Variants in APCDD1L observed in about 807,000 individuals in gnomAD.
APCDD1L encodes protein APCDD1-like.
Under a neutral mutation model 24.2 loss-of-function variants are expected in APCDD1L, and 21 were observed. The ratio of observed to expected loss-of-function variants is 0.87; its 90% CI spans 0.61 to 1.25. APCDD1L has a LOEUF of 1.25. APCDD1L is among the 50% of genes most tolerant of loss of function. APCDD1L has a pLI of 0.00. For synonymous variants in APCDD1L, 321 were observed against 323.6 expected (o/e 0.99, Z 0.09); for missense variants, 704 against 711.7 (o/e 0.99, Z 0.12).
chr20:58,468,728 C>T (rs372753461), intron 2 of APCDD1L, among the ~76,000 whole-genome samples: 105 of 152,154 alleles, frequency 6.9e-4, no homozygotes, highest in African/African-American at 2.3e-3. Flanking sequence ...CCACCATGCC[C>T]GGCCAATTTT....
At position 58,467,765 on chromosome 20, in the gene APCDD1L, C is replaced by T; in HGVS notation, c.189-107G>A. ...TCTCCCCCCCAGCCCTCCTCTTAGT[C>T]CTCAGCTCAGGCCTGGGCCCCTCCA... On this transcript the variant is annotated intron_variant, in intron 2 of 3. Coordinates refer to ENST00000371149, the MANE Select transcript of APCDD1L (RefSeq NM_153360.3). This position sits in a 1 kb window ranked among gnomAD's most constrained non-coding sequence, Gnocchi z 5.9. The T allele has an allele frequency of 1.7e-6, 2 of 1,190,548 alleles. No homozygotes were observed. Among genetic ancestry groups the T allele is most frequent in the Non-Finnish European group, 2.2e-6 (2 of 906,316 alleles). The allele number at this position is 1,190,548 out of a possible 1,614,324, so 73.7% of individuals were successfully genotyped here.
chr20:58,502,050 T>TTTCTC (rs1309866368), intron 1 of APCDD1L, among the ~76,000 whole-genome samples: 32 of 152,178 alleles, frequency 2.1e-4, no homozygotes, highest in African/African-American at 7.7e-4. Context: ...CCCCACTCCC[T>TTTCTC]TTCTCCTCTC....
intron 1 of APCDD1L, chr20:58,514,035 C>T (rs1373106499): frequency 2.7e-6 from 3 of 1,130,630 alleles, no homozygotes; most frequent in African/African-American, 1.6e-5. Flanking sequence ...GTTTTGTCTA[C>T]CCTACTCCCC....
intron 1 of APCDD1L, among the ~76,000 whole-genome samples, chr20:58,476,611 C>T (rs1020762959): frequency 1.3e-5 from 2 of 152,230 alleles, no homozygotes; most frequent in Admixed American, 6.5e-5. Flanking sequence ...CAAATAGACT[C>T]ACATCAGAGT....
chr20:58,507,185 C>A (rs994046218), intron 1 of APCDD1L, among the ~76,000 whole-genome samples: 5 of 152,180 alleles, frequency 3.3e-5, no homozygotes, highest in African/African-American at 1.2e-4. Flanking sequence ...AGTTTCCCTG[C>A]ACAAGTTCTC....
chr20:58,465,783 G>A (rs1382887146), intron 3 of APCDD1L, among the ~76,000 whole-genome samples: 1 of 152,208 alleles, frequency 6.6e-6, no homozygotes, highest in Non-Finnish European at 1.5e-5. Flanking sequence ...TAACAGCATT[G>A]CAGGTACTGG....
In APCDD1L at chr20:58,514,820, C is replaced by A; in HGVS notation, c.-113G>T. The A allele has an allele frequency of 5.9e-6, 5 of 851,940 alleles. No individual in the cohort carries two copies. The highest frequency in any genetic ancestry group is 6.0e-5 in the South Asian group (1 of 16,618). The allele number at this position is 851,940 out of a possible 1,614,324, so 52.8% of individuals were successfully genotyped here. On this transcript the variant is annotated 5_prime_UTR_variant, in exon 1 of 4. Coordinates refer to ENST00000371149, the MANE Select transcript of APCDD1L (RefSeq NM_153360.3). ...CGCCGGCGGCCAGGCTGGAGTCCTG[C>A]GAAGAAGTTGCGAGGGTCCTGCGCC...
chr20:58,465,292 G>A (rs957280977), intron 3 of APCDD1L, among the ~76,000 whole-genome samples: 1 of 152,164 alleles, frequency 6.6e-6, no homozygotes, highest in South Asian at 2.1e-4. Flanking sequence ...AGAACTTCGT[G>A]TCGTGCTCCT....
At chr20:58,476,754 C>CT (rs1488475369) in intron 1 of APCDD1L, among the ~76,000 whole-genome samples, 1 of 152,184 alleles carries the variant, frequency 6.6e-6, no homozygotes, top group African/African-American at 2.4e-5. Context: ...AACTGGGTGC[C>CT]TTTTTACCAC....
At chr20:58,511,826 T>A (rs1403978086) in intron 1 of APCDD1L, among the ~76,000 whole-genome samples, 1 of 152,154 alleles carries the variant, frequency 6.6e-6, no homozygotes, top group African/African-American at 2.4e-5. Flanking sequence ...GATTTTGACC[T>A]AGTTAATCTG....
chr20:58,491,728 A>G (rs1346491282), intron 1 of APCDD1L, among the ~76,000 whole-genome samples: 1 of 152,256 alleles, frequency 6.6e-6, no homozygotes, highest in Non-Finnish European at 1.5e-5. Context: ...GATCTTGAGA[A>G]GATGGTTATA....
Position 58,461,711 on chromosome 20 carries a change from A to C in APCDD1L, c.742-157T>G, listed in dbSNP as rs1351011659. The C allele has an allele frequency of 1.3e-6, 1 of 742,086 alleles. No homozygotes were observed. Among genetic ancestry groups the C allele is most frequent in the African/African-American group, 1.8e-5 (1 of 55,468 alleles). The allele number at this position is 742,086 out of a possible 1,614,324, so 46.0% of individuals were successfully genotyped here. ...TCCTCACTCCCTGCCTTCAGTCAGG[A>C]CGACCTCCTTGCTTCAGCCAGGATG... On this transcript the variant is annotated intron_variant, in intron 3 of 3. Transcript: ENST00000371149. This position sits in a 1 kb window ranked among gnomAD's most constrained non-coding sequence, Gnocchi z 6.0.
At chr20:58,468,798 C>T (rs1038763302) in intron 2 of APCDD1L, among the ~76,000 whole-genome samples, 5 of 152,150 alleles carry the variant, frequency 3.3e-5, no homozygotes, top group Admixed American at 2.6e-4. Flanking sequence ...GAACTCCTGA[C>T]CTCAATCAAT....
At chr20:58,512,564 C>G (rs1005358646) in intron 1 of APCDD1L, among the ~76,000 whole-genome samples, 1 of 152,092 alleles carries the variant, frequency 6.6e-6, no homozygotes, top group South Asian at 2.1e-4. Context: ...GAACCCCTAA[C>G]GTGTGTGTAC....
At chr20:58,480,938 A>G (rs751448195) in intron 1 of APCDD1L, among the ~76,000 whole-genome samples, 3 of 152,198 alleles carry the variant, frequency 2.0e-5, no homozygotes, top group South Asian at 2.1e-4. Context: ...TTTCACCCAG[A>G]TGTTCCGGTG....
chr20:58,514,282 G>A (rs1162524629), intron 1 of APCDD1L, among the ~76,000 whole-genome samples: 1 of 152,194 alleles, frequency 6.6e-6, no homozygotes, highest in African/African-American at 2.4e-5. Context: ...GGTCTGAATA[G>A]CCGGGCTTGT....
chr20:58,462,245 A>C (rs975825347), intron 3 of APCDD1L, among the ~76,000 whole-genome samples: 1 of 152,150 alleles, frequency 6.6e-6, no homozygotes, highest in Admixed American at 6.6e-5. Flanking sequence ...AGAAGTGCCA[A>C]GAACTATGCT....
chr20:58,508,724 C>A lies in APCDD1L; in HGVS notation c.49+5935G>T, dbSNP rs1990569093. On this transcript the variant is annotated intron_variant, in intron 1 of 3. Coordinates refer to ENST00000371149, the MANE Select transcript of APCDD1L (RefSeq NM_153360.3). The surrounding 1 kb of genome is among the most constrained non-coding windows in gnomAD (Gnocchi z 4.0). ...TACTGAGTACCTACTATGTGCCAGG[C>A]ACTGTTCTAGGGACCCGGGAAAGAA... 6.6e-6 allele frequency among the ~76,000 whole-genome samples: 1 copy of A among 152,178 alleles called. No individual in the cohort carries two copies. Among genetic ancestry groups the A allele is most frequent in the African/African-American group, 2.4e-5 (1 of 41,430 alleles).
At chr20:58,470,060 C>T (rs1171304465) in intron 2 of APCDD1L, among the ~76,000 whole-genome samples, 1 of 152,190 alleles carries the variant, frequency 6.6e-6, no homozygotes, top group African/African-American at 2.4e-5. Context: ...GATGGGTGCA[C>T]CCAGGCTCTC....
Sources: allele counts gnomAD v4.1 joint callset (sites outside exome capture counted in the v4.1 genomes callset), GRCh38; gene constraint gnomAD v4.1.1; non-coding constraint Gnocchi (gnomAD v3.1); transcripts MANE v1.5; gene names NCBI Gene and HGNC (gene_info 2026-07-23, HGNC 2026-07-21).